Variants in ADGRB1 observed in about 807,000 individuals in gnomAD.
ADGRB1 encodes brain-specific angiogenesis inhibitor 1.
Under a neutral mutation model 175.7 loss-of-function variants are expected in ADGRB1, and 36 were observed. That is an observed-to-expected ratio of 0.20 (90% CI 0.16 to 0.27). The LOEUF is 0.27. Ranked by LOEUF, ADGRB1 falls within the 10% of genes least tolerant of loss-of-function variation. The pLI is 1.00. For synonymous variants in ADGRB1, 1,054 were observed against 979.4 expected (o/e 1.08, Z -1.42); for missense variants, 1,731 against 2,255.3 (o/e 0.77, Z 4.71).
rs1424226497 is a variant in ADGRB1 at position 142,449,699 on chromosome 8, G to C, written c.-625G>C. The C allele has an allele frequency of 6.8e-5, 10 of 148,012 alleles. No homozygotes were observed. Among genetic ancestry groups the C allele is most frequent in the Admixed American group, 6.7e-4 (10 of 14,820 alleles). 9.2% of individuals were successfully genotyped at this position (148,012 alleles called of 1,614,324 possible). On this transcript the variant is annotated 5_prime_UTR_variant, in exon 1 of 31. Transcript: ENST00000517894. The stretch of plus-strand genomic sequence containing the variant: ...GCGGAGCGGCGGCGGCGGCCGGAGA[G>C]GGAGCGGCGGGCGCAGGCGGCGGCG...
At chr8:142,530,899 T>C (rs1238550673) in intron 24 of ADGRB1, among the ~76,000 whole-genome samples, 2 of 152,224 alleles carry the variant, frequency 1.3e-5, no homozygotes, top group African/African-American at 4.8e-5. Flanking sequence ...CGGGCCTTTC[T>C]GCTTCCTTCC....
At chr8:142,477,832 G>A (rs1841065501) in intron 6 of ADGRB1, among the ~76,000 whole-genome samples, 1 of 151,672 alleles carries the variant, frequency 6.6e-6, no homozygotes, top group African/African-American at 2.4e-5. Context: ...GGTGTGGGGT[G>A]GTGGCCCCCA....
chr8:142,478,763 G>A (rs1204783601), intron 7 of ADGRB1, among the ~76,000 whole-genome samples: 1 of 148,290 alleles, frequency 6.7e-6, no homozygotes, highest in Non-Finnish European at 1.5e-5. Flanking sequence ...GGGACTTGGG[G>A]TGTCTGTGGA....
At chr8:142,479,854 C>G (rs1313379829) in intron 9 of ADGRB1, 60 bp downstream of exon 9, 2 of 1,501,850 alleles carry the variant, frequency 1.3e-6, no homozygotes, top group Non-Finnish European at 1.8e-6. Flanking sequence ...CGGTGATGCC[C>G]ACGCTGAGGT....
At chr8:142,496,100 G>A (rs1397565408) in intron 17 of ADGRB1, among the ~76,000 whole-genome samples, 1 of 151,846 alleles carries the variant, frequency 6.6e-6, no homozygotes, top group Non-Finnish European at 1.5e-5. Context: ...GTGGGTGGCT[G>A]GCTGGATGTA....
intron 1 of ADGRB1, among the ~76,000 whole-genome samples, chr8:142,452,087 C>T (rs900748332): frequency 6.6e-6 from 1 of 152,200 alleles, no homozygotes; most frequent in Non-Finnish European, 1.5e-5. Context: ...GCCCGGTCCC[C>T]GGAGGCGGAC....
chr8:142,541,645 G>A (rs768805541), intron 27 of ADGRB1, among the ~76,000 whole-genome samples: 5 of 152,298 alleles, frequency 3.3e-5, no homozygotes, highest in East Asian at 1.9e-4. Flanking sequence ...TCTTCTCAGC[G>A]CTGGGGAGGG....
chr8:142,522,231 C>G (rs1843893913), intron 21 of ADGRB1, 116 bp downstream of exon 21: 2 of 1,420,654 alleles, frequency 1.4e-6, no homozygotes, highest in East Asian at 4.7e-5. Flanking sequence ...GCCTCAGTTG[C>G]TGCTTGGGTG....
intron 1 of ADGRB1, among the ~76,000 whole-genome samples, chr8:142,459,995 GC>G (rs1279565352): frequency 5.9e-5 from 9 of 152,216 alleles, no homozygotes; most frequent in African/African-American, 2.2e-4. Context: ...TCCCCTGCAC[GC>G]CCCACCCCAT....
chr8:142,483,777 A>G (rs546008165), intron 11 of ADGRB1, among the ~76,000 whole-genome samples, 200 bp from the exon 12 acceptor site: 5 of 145,384 alleles, frequency 3.4e-5, no homozygotes, highest in South Asian at 4.4e-4. Context: ...CTGGTCACAC[A>G]CTGAGCCTCG....
chr8:142,514,288 A>T (rs968729161), intron 18 of ADGRB1, among the ~76,000 whole-genome samples: 1 of 151,826 alleles, frequency 6.6e-6, no homozygotes, highest in African/African-American at 2.4e-5. Flanking sequence ...GCAGGGTGGT[A>T]GAGCGAGGGG....
rs761642350 is a variant in ADGRB1 at position 142,524,331 on chromosome 8, C to T, written c.3312+27C>T. 2.7e-5 allele frequency: 42 copies of T among 1,563,828 alleles called. 2 individuals carry two copies. The Middle Eastern group carries it at 7.1e-4, about 27-fold the overall frequency. On this transcript the variant is annotated intron_variant, in intron 23 of 30. Coordinates refer to ENST00000517894, the MANE Select transcript of ADGRB1 (RefSeq NM_001702.3). ...TACTGACCCGCCCAGGCCCCACTCC[C>T]CACGACCCCACCTGGGCCCCCCACC... is the stretch of plus-strand genomic sequence containing the variant.
intron 27 of ADGRB1, 23 bp downstream of exon 27, chr8:142,539,436 G>C: frequency 6.2e-7 from 1 of 1,600,028 alleles, no homozygotes; most frequent in Non-Finnish European, 8.5e-7. Flanking sequence ...CAGGTGAGAG[G>C]ACAGTGCCAG....
intron 18 of ADGRB1, among the ~76,000 whole-genome samples, chr8:142,516,218 G>A (rs1373994493): frequency 5.3e-5 from 8 of 149,798 alleles, no homozygotes; most frequent in Non-Finnish European, 7.4e-5. Flanking sequence ...GCGTGTGTGC[G>A]GGCCCCAGGT....
intron 1 of ADGRB1, among the ~76,000 whole-genome samples, chr8:142,456,496 C>T (rs758896275): frequency 1.3e-5 from 2 of 152,220 alleles, no homozygotes; most frequent in Non-Finnish European, 2.9e-5. Flanking sequence ...TCAGCTGGAA[C>T]ACGCACATTC....
At chr8:142,533,029 G>A (rs927899336) in intron 24 of ADGRB1, among the ~76,000 whole-genome samples, 1 of 152,156 alleles carries the variant, frequency 6.6e-6, no homozygotes, top group Non-Finnish European at 1.5e-5. Flanking sequence ...CCAGCCTGGG[G>A]CAAGGGCTTG....
At chr8:142,521,932 T>C in intron 20 of ADGRB1, 33 bp from the exon 21 acceptor site, 2 of 1,553,506 alleles carry the variant, frequency 1.3e-6, no homozygotes, top group East Asian at 2.4e-5. Flanking sequence ...GGGGAGCACC[T>C]GCCCAGCCTG....
At chr8:142,478,012 G>A (rs1841080506) in intron 6 of ADGRB1, among the ~76,000 whole-genome samples, 175 bp from the exon 7 acceptor site, 1 of 151,338 alleles carries the variant, frequency 6.6e-6, no homozygotes, top group Non-Finnish European at 1.5e-5. Context: ...GTCCCAGCCT[G>A]GGTGTTCTCA....
intron 16 of ADGRB1, 77 bp downstream of exon 16, chr8:142,489,515 T>C: frequency 1.3e-6 from 2 of 1,490,196 alleles, no homozygotes; most frequent in Non-Finnish European, 1.9e-6. Flanking sequence ...CCTCAGCCAC[T>C]AAGCCTTTGG....
Sources: allele counts gnomAD v4.1 joint callset (sites outside exome capture counted in the v4.1 genomes callset), GRCh38; gene constraint gnomAD v4.1.1; transcripts MANE v1.5; gene names NCBI Gene and HGNC (gene_info 2026-07-23, HGNC 2026-07-21).